Variants in RBFOX1 observed in about 807,000 individuals in gnomAD.
The protein encoded by RBFOX1 is RNA binding protein fox-1 homolog 1.
Under a neutral mutation model 57.7 loss-of-function variants are expected in RBFOX1, and 8 were observed. That is an observed-to-expected ratio of 0.14 (90% CI 0.08 to 0.25). RBFOX1 has a LOEUF of 0.25. Among genes scored for constraint, RBFOX1 ranks in the 10% least tolerant of loss-of-function variants. The probability of loss-of-function intolerance (pLI) is 1.00; values close to 1 mark genes in which losing one functional copy is unlikely to be tolerated. For missense variants in RBFOX1, 611 were observed against 548.5 expected (o/e 1.11, Z -1.14); for synonymous variants, 326 against 222.4 (o/e 1.47, Z -4.15).
At chr16:7,393,807 C>G (rs1237420888) in intron 4 of RBFOX1, among the ~76,000 whole-genome samples, 3 of 152,166 alleles carry the variant, frequency 2.0e-5, no homozygotes, top group Non-Finnish European at 2.9e-5. Context: ...GCATCTCTGG[C>G]TAAGGTGAAT....
chr16:6,808,750 C>G (rs1275560459), intron 3 of RBFOX1, among the ~76,000 whole-genome samples: 1 of 152,124 alleles, frequency 6.6e-6, no homozygotes. Flanking sequence ...AGACAAATAC[C>G]TGGTTATCTC....
intron 14 of RBFOX1, among the ~76,000 whole-genome samples, chr16:7,708,129 T>G (rs750312995): frequency 2.6e-5 from 4 of 152,112 alleles, no homozygotes; most frequent in Non-Finnish European, 5.9e-5. Flanking sequence ...ACTTGAACCC[T>G]GGAGTTTTGA....
chr16:5,844,221 T>C (rs1450181590), intron 3 of RBFOX1, among the ~76,000 whole-genome samples: 1 of 152,064 alleles, frequency 6.6e-6, no homozygotes, highest in Non-Finnish European at 1.5e-5. Flanking sequence ...GGTTATTATG[T>C]TTTTTTTCCA....
In RBFOX1 at chr16:5,634,504, AT is replaced by A. The variant is rs1034844799; in HGVS notation, c.318+35552del. On this transcript the variant is annotated intron_variant, in intron 3 of 19. Transcript: ENST00000641259. ...AGAACTTGTACAAAATGCTAAACAT[AT>A]TTTTTTTTCAAATACCTAAGTGTGA... is the stretch of plus-strand genomic sequence containing the variant. 2.4e-3 allele frequency among the ~76,000 whole-genome samples: 370 copies of A among 151,784 alleles called. 2 individuals carry two copies. Among genetic ancestry groups the A allele is most frequent in the African/African-American group, 8.5e-3 (350 of 41,402 alleles).
chr16:6,764,152 C>T (rs1380386452), intron 3 of RBFOX1, among the ~76,000 whole-genome samples: 3 of 152,286 alleles, frequency 2.0e-5, no homozygotes, highest in East Asian at 3.9e-4. Flanking sequence ...TGGGCATTCC[C>T]TAGTCCCCTT....
At chr16:7,169,898 C>G (rs117607054) in intron 4 of RBFOX1, among the ~76,000 whole-genome samples, 8,553 of 152,032 alleles carry the variant, frequency 0.056, 305 homozygotes, top group Middle Eastern at 0.16. Context: ...TGGCAAGACC[C>G]TATCTCTACA....
intron 3 of RBFOX1, among the ~76,000 whole-genome samples, chr16:5,848,782 A>C (rs1197960530): frequency 6.6e-6 from 1 of 152,012 alleles, no homozygotes; most frequent in Non-Finnish European, 1.5e-5. Context: ...CCCCGTCTCT[A>C]ATAAAAAAAT....
At chr16:6,230,283 G>C (rs570030828) in intron 1 of RBFOX1, among the ~76,000 whole-genome samples, 2 of 151,744 alleles carry the variant, frequency 1.3e-5, no homozygotes, top group Non-Finnish European at 2.9e-5. Context: ...CTATATGCTT[G>C]GTAATTCATG....
rs562960749 is a variant in RBFOX1 at position 7,083,670 on chromosome 16, A to T, written c.27+31572A>T. On this transcript the variant is annotated intron_variant, in intron 4 of 15. Coordinates refer to ENST00000550418, the MANE Select transcript of RBFOX1 (RefSeq NM_018723.4). ...AGTTTAATTTTAAATCCAGATTCTT[A>T]TCCCTATCAGGCAAAATGTTCACTT... Among the ~76,000 whole-genome samples, 22 of 152,278 alleles carry T rather than the reference A, an allele frequency of 1.4e-4. No homozygotes were observed. The East Asian group carries it at 4.1e-3, about 28-fold the overall frequency.
chr16:7,593,289 C>T (rs1051202909), intron 7 of RBFOX1, among the ~76,000 whole-genome samples: 1 of 152,140 alleles, frequency 6.6e-6, no homozygotes, highest in Non-Finnish European at 1.5e-5. Flanking sequence ...CTCCCAAGTT[C>T]CTTCTGATAT....
intron 1 of RBFOX1, among the ~76,000 whole-genome samples, chr16:6,133,466 T>C (rs914152901): frequency 2.6e-5 from 4 of 152,226 alleles, no homozygotes; most frequent in African/African-American, 9.6e-5. Context: ...GATGGCACCA[T>C]GCCCAGTGCA....
chr16:5,343,044 C>G (rs2065065337), intron 1 of RBFOX1, among the ~76,000 whole-genome samples: 1 of 152,144 alleles, frequency 6.6e-6, no homozygotes, highest in African/African-American at 2.4e-5. Flanking sequence ...CCACATTAAT[C>G]AATAAGGAGT....
At chr16:7,577,158 G>T (rs1443076984) in intron 5 of RBFOX1, among the ~76,000 whole-genome samples, 3 of 152,146 alleles carry the variant, frequency 2.0e-5, no homozygotes, top group Non-Finnish European at 4.4e-5. Flanking sequence ...AATTCATTCG[G>T]TCAGTGAGTG....
chr16:5,739,022 C>G (rs1447025090), intron 3 of RBFOX1, among the ~76,000 whole-genome samples: 6 of 152,188 alleles, frequency 3.9e-5, no homozygotes, highest in African/African-American at 1.4e-4. Flanking sequence ...GCCTGAATCT[C>G]AAGTTTAGAA....
chr16:7,406,434 C>G (rs531112989), intron 4 of RBFOX1, among the ~76,000 whole-genome samples: 117 of 152,320 alleles, frequency 7.7e-4, no homozygotes, highest in African/African-American at 2.4e-3. Context: ...CATCCAGTCC[C>G]TTCCTTTTAC....
At chr16:5,419,233 G>A (rs149065051) in intron 1 of RBFOX1, among the ~76,000 whole-genome samples, 2 of 152,140 alleles carry the variant, frequency 1.3e-5, no homozygotes, top group South Asian at 2.1e-4. Context: ...TGACTCACAC[G>A]ATCACAAGTT....
chr16:6,972,057 C>A (rs927732166), intron 3 of RBFOX1, among the ~76,000 whole-genome samples: 1 of 152,082 alleles, frequency 6.6e-6, no homozygotes, highest in Non-Finnish European at 1.5e-5. Flanking sequence ...ACTTTTGTTT[C>A]CTTAACAAAG....
intron 2 of RBFOX1, among the ~76,000 whole-genome samples, chr16:6,374,272 A>C (rs1410407462): frequency 2.0e-5 from 3 of 152,188 alleles, no homozygotes; most frequent in Non-Finnish European, 4.4e-5. Context: ...TTAGGAGACA[A>C]ACTTTTGCTT....
intron 3 of RBFOX1, among the ~76,000 whole-genome samples, chr16:6,727,748 G>T (rs1278698147): frequency 1.3e-5 from 2 of 152,152 alleles, no homozygotes; most frequent in Non-Finnish European, 1.5e-5. Flanking sequence ...GAAGTACCCT[G>T]CTGAGTTCAG....
Sources: gnomAD v4.1 joint callset for allele counts (sites outside exome capture counted in the v4.1 genomes callset) on GRCh38, gnomAD v4.1.1 for gene constraint, MANE v1.5 for transcripts, NCBI Gene and HGNC (gene_info 2026-07-23, HGNC 2026-07-21) for gene names.